ANO7: variants seen among roughly 807,000 people sequenced by gnomAD.
ANO7 encodes the protein anoctamin-7.
A neutral mutation model predicts 115.8 loss-of-function variants in ANO7; 114 were observed. The observed-to-expected ratio is 0.98, with a 90% CI of 0.85 to 1.15. The LOEUF (loss-of-function observed/expected upper bound fraction) is 1.15, where lower values mean the gene tolerates loss of function less well. ANO7 is among the 50% of genes most tolerant of loss of function. The pLI is 0.00. For synonymous variants in ANO7, 550 were observed against 498.2 expected (o/e 1.10, Z -1.38); for missense variants, 1,302 against 1,201.2 (o/e 1.08, Z -1.24).
chr2:241,239,554 G>C, the ANO7 span: 6 of 1,493,506 alleles, frequency 4.0e-6, no homozygotes, highest in Non-Finnish European at 5.6e-6. This position sits in a 1 kb window ranked among gnomAD's most constrained non-coding sequence, Gnocchi z 4.6. Flanking sequence ...GCTTCGGTGA[G>C]TGGCCACTGG....
chr2:241,226,037 A>C (rs1204990188), downstream of ANO7, among the ~76,000 whole-genome samples: 1 of 151,724 alleles, frequency 6.6e-6, no homozygotes, highest in African/African-American at 2.4e-5. Context: ...CTTCCAGGTG[A>C]ACAAACTGTT....
rs61732725 is a variant in ANO7, at chr2:241,224,575, C to T, written c.*422C>T. The T allele has an allele frequency of 1.5e-5, 3 of 206,040 alleles. No homozygotes were observed. The highest frequency in any genetic ancestry group is 7.0e-5 in the African/African-American group (3 of 42,976). The allele number at this position is 206,040 out of a possible 1,614,324, so 12.8% of individuals were successfully genotyped here. On this transcript the variant is annotated 3_prime_UTR_variant, in exon 25 of 25. Coordinates refer to ENST00000674324, the MANE Select transcript of ANO7 (RefSeq NM_001370694.2). ...GAATGTTTCAGAGCGCAGGGCCGTT[C>T]TCCCTCGTGTCCTCTGGACCCACCC...
the ANO7 span, chr2:241,238,608 G>A: frequency 4.7e-5 from 68 of 1,434,688 alleles, no homozygotes; most frequent in East Asian, 7.5e-5. The surrounding 1 kb of genome is among the most constrained non-coding windows in gnomAD (Gnocchi z 4.9). Context: ...CATGGGAGGC[G>A]CCACTATTAA....
chr2:241,229,608 T>C (rs1290456784), downstream of ANO7: 1 of 1,613,340 alleles, frequency 6.2e-7, no homozygotes, highest in Non-Finnish European at 8.5e-7. Flanking sequence ...TCATTATCGT[T>C]TGGGGCCCCA....
intron 9 of ANO7, 122 bp from the exon 10 acceptor site, chr2:241,204,743 G>C (rs1291571738): frequency 2.9e-6 from 2 of 682,648 alleles, no homozygotes; most frequent in Admixed American, 2.7e-5. Context: ...CCTCACATAG[G>C]GCCCCAGCCC....
At chr2:241,196,777 T>C (rs761825608) in intron 4 of ANO7, among the ~76,000 whole-genome samples, 1 of 150,812 alleles carries the variant, frequency 6.6e-6, no homozygotes, top group Non-Finnish European at 1.5e-5. Context: ...GCCGTGAGAA[T>C]GGGCATTTGA....
chr2:241,196,030 C>T lies in ANO7; in HGVS notation c.309+185C>T, dbSNP rs928804976. On this transcript the variant is annotated intron_variant, in intron 4 of 24. Transcript: ENST00000674324. ...TGGCTAGGGAGCTGCTGTCCAGAGG[C>T]GGAGGTAAACATTGATCCCTCCTGC... The T allele has an allele frequency of 9.6e-6, 14 of 1,455,958 alleles. No homozygotes were observed. In the South Asian group the frequency reaches 1.3e-4, roughly 13 times the overall value. The allele number at this position is 1,455,958 out of a possible 1,614,324, so 90.2% of individuals were successfully genotyped here. A position where few individuals can be genotyped will look rare whatever the true frequency, so the allele number is the denominator to read the frequency against.
chr2:241,210,365 G>A lies in ANO7; in HGVS notation c.1430G>A (p.Arg477Lys), dbSNP rs1172655910. ...YRAIMAIVVS[R>K]SGNTLLAAWA... ...GCCATCATGGCCATCGTGGTGTCCA[G>A]GTCGGGCAACACCCTTCTCGCAGCC... Residue 477 changes from arginine to lysine, a missense_variant, in exon 14 of 25, where the codon AGG becomes AAG. By Grantham distance (26) the Arg-to-Lys change is conservative (BLOSUM62 2). Coordinates refer to ENST00000674324, the MANE Select transcript of ANO7 (RefSeq NM_001370694.2). 6 of 1,613,946 alleles carry A rather than the reference G, an allele frequency of 3.7e-6. No individual in the cohort carries two copies. The highest frequency in any genetic ancestry group is 1.7e-5 in the Admixed American group (1 of 60,008).
At chr2:241,190,007 C>T in intron 1 of ANO7, 50 bp from the exon 2 acceptor site, 1 of 1,452,870 alleles carries the variant, frequency 6.9e-7, no homozygotes, top group South Asian at 1.2e-5. Flanking sequence ...GAACGGGTCT[C>T]ACCCATCCCC....
chr2:241,217,109 C>T (rs1033025813), intron 19 of ANO7, among the ~76,000 whole-genome samples: 2 of 152,220 alleles, frequency 1.3e-5, no homozygotes, highest in Non-Finnish European at 2.9e-5. Context: ...CTGGGGATTA[C>T]AGGCGTGAGA....
chr2:241,213,814 A>G (rs1018526402), intron 17 of ANO7, among the ~76,000 whole-genome samples: 8 of 152,208 alleles, frequency 5.3e-5, no homozygotes, highest in Non-Finnish European at 1.2e-4. Context: ...CTGGGCCATG[A>G]GCCAGCCCAA....
chr2:241,212,284 GCGTCATC>G, intron 16 of ANO7, 79 bp downstream of exon 16: 3 of 1,371,668 alleles, frequency 2.2e-6, no homozygotes, highest in Non-Finnish European at 3.1e-6. Flanking sequence ...TGGGTACCAG[GCGTCATC>G]CAGCCGTGCT....
chr2:241,238,706 G>A, the ANO7 span: 1 of 1,590,688 alleles, frequency 6.3e-7, no homozygotes, highest in Non-Finnish European at 8.6e-7. The surrounding 1 kb of genome is among the most constrained non-coding windows in gnomAD (Gnocchi z 4.9). Flanking sequence ...CGAGTAATCT[G>A]CTGGATTCTG....
intron 2 of ANO7, 144 bp downstream of exon 2, chr2:241,190,315 G>A (rs377407324): frequency 5.9e-6 from 4 of 674,672 alleles, no homozygotes; most frequent in Admixed American, 2.7e-5. Flanking sequence ...CCAAGCCCTC[G>A]CCACCCAGTC....
intron 6 of ANO7, 51 bp downstream of exon 6, chr2:241,200,276 T>C (rs756805862): frequency 6.9e-6 from 11 of 1,584,464 alleles, no homozygotes; most frequent in Non-Finnish European, 9.4e-6. Flanking sequence ...TGAGTGGGAG[T>C]CGGTGAATGA....
chr2:241,201,930 T>C (rs1183287771), intron 7 of ANO7, among the ~76,000 whole-genome samples: 1 of 152,198 alleles, frequency 6.6e-6, no homozygotes, highest in Admixed American at 6.5e-5. Flanking sequence ...AGGTGCAGAC[T>C]CGACTCCCAC....
rs376255581 is a variant in ANO7 at position 241,202,314 on chromosome 2, G to T, written c.723+10G>T. 2.5e-6 allele frequency: 4 copies of T among 1,609,854 alleles called. No individual in the cohort carries two copies. In the African/African-American group the frequency reaches 5.3e-5, roughly 21 times the overall value. ...CTTCCCCCTGCATGACGTGAGCTCG[G>T]GGGCTGGGGGCTCCAGCCTGGGTAT... On this transcript the variant is annotated intron_variant, in intron 8 of 24. Coordinates refer to ENST00000674324, the MANE Select transcript of ANO7 (RefSeq NM_001370694.2).
intron 21 of ANO7, among the ~76,000 whole-genome samples, chr2:241,219,732 T>A (rs1429423872): frequency 1.1e-4 from 1 of 9,208 alleles, no homozygotes; most frequent in Non-Finnish European, 3.1e-4. Flanking sequence ...CAGGCCTGGC[T>A]TTTTTTTTTT....
chr2:241,196,084 C>A (rs147325507), intron 4 of ANO7: 37,784 of 1,408,710 alleles, frequency 0.027, 594 homozygotes, highest in Non-Finnish European at 0.031. Flanking sequence ...GAAGTCGGAG[C>A]CCTCAGGGTC....
Sources: gnomAD v4.1 joint callset for allele counts (sites outside exome capture counted in the v4.1 genomes callset) on GRCh38, gnomAD v4.1.1 for gene constraint, Gnocchi (gnomAD v3.1) non-coding constraint, MANE v1.5 for transcripts, NCBI Gene and HGNC (gene_info 2026-07-23, HGNC 2026-07-21) for gene names.